Variants in LOXL1 observed in about 807,000 individuals in gnomAD.
LOXL1 encodes lysyl oxidase like 1.
LOXL1 carries 31 observed loss-of-function variants against 62.2 expected under a neutral mutation model. The observed-to-expected ratio is 0.50, with a 90% CI of 0.37 to 0.67. The LOEUF is 0.67. Among genes scored for constraint, LOXL1 ranks in the 30% least tolerant of loss-of-function variants. The probability of loss-of-function intolerance (pLI) is 0.00; values close to 1 mark genes in which losing one functional copy is unlikely to be tolerated. For missense variants in LOXL1, 775 were observed against 843.4 expected (o/e 0.92, Z 1.00); for synonymous variants, 403 against 384.4 (o/e 1.05, Z -0.56).
rs917041350 is a variant in LOXL1, at chr15:73,952,075, C to T, written c.*238C>T. On this transcript the variant is annotated 3_prime_UTR_variant, in exon 7 of 7. Coordinates refer to ENST00000261921, the MANE Select transcript of LOXL1 (RefSeq NM_005576.4). ...TTGTTGTTGGTTTTTATTTTTTATA[C>T]TTTGGCCATACCACAGAGCTAGATT... is the stretch of plus-strand genomic sequence containing the variant. The T allele has an allele frequency of 7.5e-6, 3 of 399,024 alleles. No individual in the cohort carries two copies. In the Admixed American group the frequency reaches 1.3e-4, roughly 18 times the overall value. The allele number at this position is 399,024 out of a possible 1,614,324, so 24.7% of individuals were successfully genotyped here. A position where few individuals can be genotyped will look rare whatever the true frequency, so the allele number is the denominator to read the frequency against.
chr15:73,947,113 G>A lies in LOXL1; in HGVS notation c.1396G>A (p.Ala466Thr), dbSNP rs2068753103. The A allele has an allele frequency of 1.2e-6, 2 of 1,613,518 alleles. No homozygotes were observed. Among genetic ancestry groups the A allele is most frequent in the Non-Finnish European group, 1.7e-6 (2 of 1,179,496 alleles). ...DEFSHYDLLD[A>T]ATGKKVAEGH... The stretch of plus-strand genomic sequence containing the variant: ...GTTCAGCCACTACGACCTACTGGAT[G>A]CAGCCACAGGCAAGAAGGTGGCCGA... Residue 466 changes from alanine (A) to threonine (T), a missense_variant, in exon 4 of 7, where the codon GCA becomes ACA. Physicochemically the swap from Ala to Thr is moderately conservative, Grantham distance 58. Transcript: ENST00000261921.
At chr15:73,939,254 C>T (rs1038493310) in intron 1 of LOXL1, among the ~76,000 whole-genome samples, 2 of 152,178 alleles carry the variant, frequency 1.3e-5, no homozygotes, top group African/African-American at 4.8e-5. Context: ...AGAGAAGGAG[C>T]CATTGTTCCT....
At position 73,951,901 on chromosome 15, in the gene LOXL1, C is replaced by T; in HGVS notation, c.*64C>T. 1 of 1,404,170 alleles carries T rather than the reference C, an allele frequency of 7.1e-7. No homozygotes were observed. The highest frequency in any genetic ancestry group is 9.4e-7 in the Non-Finnish European group (1 of 1,067,104). 87.0% of individuals were successfully genotyped at this position (1,404,170 alleles called of 1,614,324 possible). A position where few individuals can be genotyped will look rare whatever the true frequency, so the allele number is the denominator to read the frequency against. On this transcript the variant is annotated 3_prime_UTR_variant, in exon 7 of 7. Transcript: ENST00000261921. ...AAGCAGGCCCTGCTCCCCGGGCAGC[C>T]TCCCGCCGAGGGGCCCAGCCCCCAA...
At position 73,927,278 on chromosome 15, in the gene LOXL1, C is replaced by A. The variant is rs762434109; in HGVS notation, c.495C>A (p.Ser165Arg). 6.2e-7 allele frequency: 1 copy of A among 1,602,970 alleles called. No homozygotes were observed. The highest frequency in any genetic ancestry group is 8.5e-7 in the Non-Finnish European group (1 of 1,177,564). Reference protein sequence around the residue: ...ASSVSASAFASTYRQQPSYPQ... With the variant: ...ASSVSASAFARTYRQQPSYPQ... ...CGGTCTCGGCTTCGGCCTTCGCCAG[C>A]ACCTACCGCCAGCAGCCCTCCTACC... The change falls in exon 1 of 7, where the codon AGC becomes AGA. Residue 165 changes from serine (S) to arginine (R), a missense_variant. Ser to Arg is a moderately radical substitution (Grantham distance 110). Transcript: ENST00000261921.
rs1276102065 is a variant in LOXL1, at chr15:73,927,254, G to T, written c.471G>T (p.Ser157=). 1.2e-6 allele frequency: 2 copies of T among 1,600,586 alleles called. No individual in the cohort carries two copies. The highest frequency in any genetic ancestry group is 1.7e-6 in the Non-Finnish European group (2 of 1,177,368). Residue 157 remains serine, a synonymous_variant, in exon 1 of 7, where the codon TCG becomes TCT. Coordinates refer to ENST00000261921, the MANE Select transcript of LOXL1 (RefSeq NM_005576.4). ...SQQRHGGSAS[S]VSASAFASTY... Reference sequence around the variant, plus strand: ...AACGGCACGGGGGCTCCGCCTCCTCGGTCTCGGCTTCGGCCTTCGCCAGCA... The same window carrying T: ...AACGGCACGGGGGCTCCGCCTCCTCTGTCTCGGCTTCGGCCTTCGCCAGCA...
In LOXL1 at chr15:73,947,789, C is replaced by T; in HGVS notation, c.1507-18C>T. The T allele has an allele frequency of 2.5e-6, 4 of 1,575,070 alleles. No individual in the cohort carries two copies. The highest frequency in any genetic ancestry group is 3.5e-6 in the Non-Finnish European group (4 of 1,148,052). ...GAAACAAGCAGCATCACAGCCGCTCCTCTTGTCCCTTTCCCAGGGCCTGAG... is the reference window on the plus strand; with the variant it reads ...GAAACAAGCAGCATCACAGCCGCTCTTCTTGTCCCTTTCCCAGGGCCTGAG... On this transcript the variant is annotated intron_variant, in intron 4 of 6. Coordinates refer to ENST00000261921, the MANE Select transcript of LOXL1 (RefSeq NM_005576.4).
At chr15:73,941,528 TG>T (rs376541682) in intron 1 of LOXL1, among the ~76,000 whole-genome samples, 1 of 152,292 alleles carries the variant, frequency 6.6e-6, no homozygotes, top group African/African-American at 2.4e-5. Flanking sequence ...AATCCCTCCA[TG>T]GGACTCAAGT....
At chr15:73,934,701 GAC>G (rs1229662797) in intron 1 of LOXL1, among the ~76,000 whole-genome samples, 5 of 152,186 alleles carry the variant, frequency 3.3e-5, no homozygotes, top group Admixed American at 3.3e-4. Context: ...AAAAGAAAGA[GAC>G]AAAATTCTTG....
At chr15:73,943,882 T>A (rs1271673418) in intron 2 of LOXL1, among the ~76,000 whole-genome samples, 12 of 152,234 alleles carry the variant, frequency 7.9e-5, no homozygotes, top group Admixed American at 7.9e-4. Flanking sequence ...TCTAGTTCAC[T>A]GCCACTCTAA....
At chr15:73,948,818 A>G (rs1786854962) in intron 5 of LOXL1, among the ~76,000 whole-genome samples, 2 of 152,194 alleles carry the variant, frequency 1.3e-5, no homozygotes, top group South Asian at 2.1e-4. Context: ...CACAAACCAC[A>G]TAAGCAATGC....
chr15:73,942,054 C>T, intron 1 of LOXL1: 1 of 169,360 alleles, frequency 5.9e-6, no homozygotes, highest in South Asian at 9.4e-5. Flanking sequence ...CAGGGCCTCC[C>T]TCAGGTTGGT....
chr15:73,931,403 T>C (rs2068634847), intron 1 of LOXL1, among the ~76,000 whole-genome samples: 1 of 152,136 alleles, frequency 6.6e-6, no homozygotes, highest in East Asian at 1.9e-4. Context: ...TCTGACCAGG[T>C]TACTCCTCTG....
In LOXL1 at chr15:73,949,701, G is replaced by A. The variant is rs1595849913; in HGVS notation, c.1718+127G>A. ...TTGATGGCCGAACGCAGCTGCAGCA[G>A]GGCCCATCAAAAAGAGCCTTGTCCG... On this transcript the variant is annotated intron_variant, in intron 6 of 6. Coordinates refer to ENST00000261921, the MANE Select transcript of LOXL1 (RefSeq NM_005576.4). 6 of 672,808 alleles carry A rather than the reference G, an allele frequency of 8.9e-6. No homozygotes were observed. In the East Asian group the frequency reaches 1.3e-4, roughly 15 times the overall value. The allele number at this position is 672,808 out of a possible 1,614,324, so 41.7% of individuals were successfully genotyped here. A position where few individuals can be genotyped will look rare whatever the true frequency, so the allele number is the denominator to read the frequency against.
chr15:73,927,072 G>A lies in LOXL1; in HGVS notation c.289G>A (p.Ala97Thr), dbSNP rs1030215239. The A allele has an allele frequency of 1.5e-6, 2 of 1,315,968 alleles. No homozygotes were observed. Among genetic ancestry groups the A allele is most frequent in the African/African-American group, 1.5e-5 (1 of 64,732 alleles). The allele number at this position is 1,315,968 out of a possible 1,614,324, so 81.5% of individuals were successfully genotyped here. Reference sequence around the variant, plus strand: ...CCACGGGAGCCCCCGGCGTCGGCAGGCGCCGTCCCTGCCCCTGCCGGGGCG... The same window carrying A: ...CCACGGGAGCCCCCGGCGTCGGCAGACGCCGTCCCTGCCCCTGCCGGGGCG... ...RSHGSPRRRQ[A>T]PSLPLPGRVG... The change falls in exon 1 of 7, where the codon GCG becomes ACG. Residue 97 changes from alanine to threonine, a missense_variant. Ala to Thr is a moderately conservative substitution (Grantham distance 58, BLOSUM62 0). Coordinates refer to ENST00000261921, the MANE Select transcript of LOXL1 (RefSeq NM_005576.4).
intron 6 of LOXL1, 61 bp from the exon 7 acceptor site, chr15:73,951,769 TG>T: frequency 6.9e-7 from 1 of 1,448,658 alleles, no homozygotes. Context: ...ACGCCCTGGC[TG>T]AGGAGGCCAC....
intron 1 of LOXL1, among the ~76,000 whole-genome samples, chr15:73,938,397 C>G (rs1430597427): frequency 6.6e-6 from 1 of 151,722 alleles, no homozygotes; most frequent in African/African-American, 2.4e-5. Context: ...CAGTGACAGG[C>G]AGTGAACTAG....
intron 3 of LOXL1, 51 bp from the exon 4 acceptor site, chr15:73,947,016 G>T: frequency 2.6e-6 from 4 of 1,514,900 alleles, no homozygotes; most frequent in Non-Finnish European, 3.6e-6. Flanking sequence ...AGGATGAGAG[G>T]CCCAGGGAAG....
At position 73,945,537 on chromosome 15, in the gene LOXL1, A is replaced by G. The variant is rs1595848392; in HGVS notation, c.1212-880A>G. Among the ~76,000 whole-genome samples, 1 of 152,168 alleles carries G rather than the reference A, an allele frequency of 6.6e-6. No homozygotes were observed. Among genetic ancestry groups the G allele is most frequent in the African/African-American group, 2.4e-5 (1 of 41,436 alleles). ...TTTGGAAAATAGGCTTTGAAGCAGGAACCCAGGGTGTGTGGGGGAGTGGAA... is the reference window on the plus strand; with the variant it reads ...TTTGGAAAATAGGCTTTGAAGCAGGGACCCAGGGTGTGTGGGGGAGTGGAA... On this transcript the variant is annotated intron_variant, in intron 2 of 6. Transcript: ENST00000261921. The surrounding 1 kb of genome is among the most constrained non-coding windows in gnomAD (Gnocchi z 4.3).
intron 1 of LOXL1, among the ~76,000 whole-genome samples, chr15:73,937,935 C>T (rs929099590): frequency 3.9e-5 from 6 of 152,200 alleles, no homozygotes; most frequent in Admixed American, 1.3e-4. Context: ...GGGGCACGTA[C>T]GGCCGTTCAC....
Sources: gnomAD v4.1 joint callset for allele counts (sites outside exome capture counted in the v4.1 genomes callset) on GRCh38, gnomAD v4.1.1 for gene constraint, Gnocchi (gnomAD v3.1) non-coding constraint, MANE v1.5 for transcripts, NCBI Gene and HGNC (gene_info 2026-07-23, HGNC 2026-07-21) for gene names.